The following SGIP1 variants were observed in gnomAD, a reference collection of about 807,000 sequenced individuals.
The protein encoded by SGIP1 is SH3-containing GRB2-like protein 3-interacting protein 1.
SGIP1 carries 38 observed loss-of-function variants against 107.5 expected under a neutral mutation model. The ratio of observed to expected loss-of-function variants is 0.35; its 90% CI spans 0.27 to 0.46. SGIP1 has a LOEUF of 0.46. Ranked by LOEUF, SGIP1 falls within the 20% of genes least tolerant of loss-of-function variation. The pLI is 1.00. For missense variants in SGIP1, 929 were observed against 1,019.5 expected (o/e 0.91, Z 1.21); for synonymous variants, 365 against 366.1 (o/e 1.00, Z 0.03).
Position 66,749,386 on chromosome 1 carries a change from A to G in SGIP1, c.*6291A>G, listed in dbSNP as rs989201825. Among the ~76,000 whole-genome samples, 1 of 151,742 alleles carries G rather than the reference A, an allele frequency of 6.6e-6. No individual in the cohort carries two copies. Among genetic ancestry groups the G allele is most frequent in the Non-Finnish European group, 1.5e-5 (1 of 67,834 alleles). The stretch of plus-strand genomic sequence containing the variant: ...CTTTGGGGAAAGCTAAGAGCAGTGC[A>G]CTGTTTAGCACAGATTTTGTGAGAT... On this transcript the variant is annotated 3_prime_UTR_variant, in exon 25 of 25. Transcript: ENST00000371037.
rs149299984 is a variant in SGIP1, at chr1:66,750,243, G to A, written c.*7148G>A. Among the ~76,000 whole-genome samples, 500 of 152,140 alleles carry A rather than the reference G, an allele frequency of 3.3e-3. 5 individuals are homozygous for A. Among genetic ancestry groups the A allele is most frequent in the African/African-American group, 0.011 (470 of 41,516 alleles). On this transcript the variant is annotated 3_prime_UTR_variant, in exon 25 of 25. Coordinates refer to ENST00000371037, the MANE Select transcript of SGIP1 (RefSeq NM_032291.4). ...AAGCTGTTTGAACACTATTGTTTTC[G>A]ATTAAAAAGAGTTTTTGTTTGTTTT...
chr1:66,744,552 A>G lies in SGIP1; in HGVS notation c.*1457A>G, dbSNP rs1021032918. 2.6e-5 allele frequency: 4 copies of G among 152,116 alleles called. No individual in the cohort carries two copies. The highest frequency in any genetic ancestry group is 4.4e-5 in the Non-Finnish European group (3 of 67,934). 9.4% of individuals were successfully genotyped at this position (152,116 alleles called of 1,614,324 possible). ...AAATAGCTGTAATTATTAAGTTATT[A>G]TTTTTATAATTAGTTGTTAAATTTC... On this transcript the variant is annotated 3_prime_UTR_variant, in exon 25 of 25. Coordinates refer to ENST00000371037, the MANE Select transcript of SGIP1 (RefSeq NM_032291.4).
intron 7 of SGIP1, among the ~76,000 whole-genome samples, chr1:66,659,314 G>A (rs1200118864): frequency 2.0e-5 from 3 of 152,146 alleles, no homozygotes; most frequent in Non-Finnish European, 4.4e-5. Context: ...GGAAGTAACA[G>A]GGCATTCTGA....
chr1:66,604,830 C>T (rs552766013), intron 1 of SGIP1, among the ~76,000 whole-genome samples: 8 of 152,234 alleles, frequency 5.3e-5, no homozygotes, highest in Non-Finnish European at 1.0e-4. Context: ...GAGTTCTTTC[C>T]GCTCCCTCAA....
At chr1:66,546,909 G>T (rs7543607) in intron 1 of SGIP1, among the ~76,000 whole-genome samples, 104,873 of 152,088 alleles carry the variant, frequency 0.69, 36,700 homozygotes, top group East Asian at 1. Flanking sequence ...TCTGTTCGGT[G>T]AAGTCATCAC....
At chr1:66,695,255 T>TAAAAAAAAAAAAAAAAAAAAAAAAAAA (rs570067011) in intron 17 of SGIP1, 179 bp from the exon 18 acceptor site, 2 of 762,668 alleles carry the variant, frequency 2.6e-6, no homozygotes, top group African/African-American at 5.4e-5. Context: ...TTTCCTGAAC[T>TAAAAAAAAAAAAAAAAAAAAAAAAAAA]AAAAAAAAAA....
Position 66,682,300 on chromosome 1 carries a change from C to T in SGIP1, c.1246C>T (p.Pro416Ser), listed in dbSNP as rs1285081780. 2.5e-6 allele frequency: 4 copies of T among 1,614,232 alleles called. No homozygotes were observed. The highest frequency in any genetic ancestry group is 2.2e-5 in the South Asian group (2 of 91,084). The change falls in exon 15 of 25, where the codon CCA becomes TCA. Residue 416 changes from proline to serine, a missense_variant. By Grantham distance (74) the Pro-to-Ser change is moderately conservative. Coordinates refer to ENST00000371037, the MANE Select transcript of SGIP1 (RefSeq NM_032291.4). The part of the protein sequence containing the change: ...GQRATPPPPP[P>S]PTYRTVVSSP... ...AAGAGCAACTCCACCTCCCCCACCA[C>T]CACCCACCTACAGGACTGTGGTTTC...
At position 66,682,150 on chromosome 1, in the gene SGIP1, C is replaced by T. The variant is rs779285870; in HGVS notation, c.1096C>T (p.Pro366Ser). The T allele has an allele frequency of 2.5e-6, 4 of 1,614,234 alleles. No individual in the cohort carries two copies. Among genetic ancestry groups the T allele is most frequent in the Non-Finnish European group, 3.4e-6 (4 of 1,180,034 alleles). The part of the protein sequence containing the change: ...GPTGPPGPPG[P>S]PRNVLSPLNL... ...CACAGGCCCCCCAGGGCCTCCTGGG[C>T]CTCCTCGCAATGTACTATCGCCGCT... Residue 366 changes from proline to serine, a missense_variant, in exon 15 of 25, where the codon CCT becomes TCT. By Grantham distance (74) the Pro-to-Ser change is moderately conservative. Coordinates refer to ENST00000371037, the MANE Select transcript of SGIP1 (RefSeq NM_032291.4).
At chr1:66,725,132 A>G (rs1186618185) in intron 19 of SGIP1, among the ~76,000 whole-genome samples, 1 of 152,172 alleles carries the variant, frequency 6.6e-6, no homozygotes, top group Non-Finnish European at 1.5e-5. Flanking sequence ...AGAGATGGAA[A>G]TGCAAACTTC....
chr1:66,669,678 T>G (rs993985405), intron 9 of SGIP1, among the ~76,000 whole-genome samples: 2 of 152,180 alleles, frequency 1.3e-5, no homozygotes, highest in African/African-American at 4.8e-5. Context: ...AAAGTATTTA[T>G]AAATAGTGTA....
chr1:66,729,646 T>A (rs2093917648), intron 20 of SGIP1, among the ~76,000 whole-genome samples: 2 of 152,194 alleles, frequency 1.3e-5, no homozygotes, highest in African/African-American at 4.8e-5. Context: ...AATGGCCAAC[T>A]ATCTCAAGTG....
Position 66,680,261 on chromosome 1 carries a change from TAA to T in SGIP1, c.814+511_814+512del, listed in dbSNP as rs200365959. On this transcript the variant is annotated intron_variant, in intron 14 of 24. Transcript: ENST00000371037. ...TATTATCTCATGGCAAGGAGATATG[TAA>T]AGATTATGAAATATGGCAAGGAATT... is the stretch of plus-strand genomic sequence containing the variant. Among the ~76,000 whole-genome samples, 36 of 152,350 alleles carry T rather than the reference TAA, an allele frequency of 2.4e-4. 1 individual carries two copies. In the East Asian group the frequency reaches 6.2e-3, roughly 26 times the overall value.
At chr1:66,658,697 T>C (rs1459493672) in intron 7 of SGIP1, among the ~76,000 whole-genome samples, 1 of 152,168 alleles carries the variant, frequency 6.6e-6, no homozygotes, top group Non-Finnish European at 1.5e-5. Context: ...ATCTAAATAA[T>C]ACAGAACAAA....
At chr1:66,692,720 T>C (rs2090136119) in intron 17 of SGIP1, among the ~76,000 whole-genome samples, 1 of 152,236 alleles carries the variant, frequency 6.6e-6, no homozygotes, top group Non-Finnish European at 1.5e-5. Context: ...TTTTGACATT[T>C]CCTATGGTAC....
Position 66,537,743 on chromosome 1 carries a change from C to T in SGIP1, c.10+3375C>T, listed in dbSNP as rs572250056. On this transcript the variant is annotated intron_variant, in intron 1 of 24. Transcript: ENST00000371037. Reference sequence around the variant, plus strand: ...AATTTAATATATTTTATTATATTTACTACTCATAATAACCTGAAACTAAGT... The same window carrying T: ...AATTTAATATATTTTATTATATTTATTACTCATAATAACCTGAAACTAAGT... Among the ~76,000 whole-genome samples the T allele has an allele frequency of 2.0e-5, 3 of 152,094 alleles. No individual in the cohort carries two copies. The East Asian group carries it at 5.8e-4, about 29-fold the overall frequency.
At chr1:66,716,589 T>G (rs193059331) in intron 18 of SGIP1, among the ~76,000 whole-genome samples, 87 of 152,200 alleles carry the variant, frequency 5.7e-4, no homozygotes, top group African/African-American at 2.0e-3. Flanking sequence ...TAGCATGCTC[T>G]AAACTCAAGT....
chr1:66,683,936 C>T (rs2087528896), intron 15 of SGIP1, among the ~76,000 whole-genome samples: 1 of 151,922 alleles, frequency 6.6e-6, no homozygotes, highest in South Asian at 2.1e-4. Flanking sequence ...AGGCTGGTCT[C>T]GAACTCCTGG....
At chr1:66,660,183 GAAAGAAAGAA>G (rs1392295466) in intron 7 of SGIP1, 3 of 150,368 alleles carry the variant, frequency 2.0e-5, no homozygotes, top group Non-Finnish European at 3.3e-5. Flanking sequence ...AAGAAAGAAA[GAAAGAAAGAA>G]AGAAAGAAAG....
At chr1:66,743,046 C>G (rs747384723) in intron 24 of SGIP1, 27 bp from the exon 25 acceptor site, 1 of 1,613,060 alleles carries the variant, frequency 6.2e-7, no homozygotes, top group Non-Finnish European at 8.5e-7. Context: ...ACCAGATAAC[C>G]TGTTGACATG....
Sources: allele counts gnomAD v4.1 joint callset (sites outside exome capture counted in the v4.1 genomes callset), GRCh38; gene constraint gnomAD v4.1.1; transcripts MANE v1.5; gene names NCBI Gene and HGNC (gene_info 2026-07-23, HGNC 2026-07-21).